The following BCL11B variants were observed in gnomAD, a reference collection of about 807,000 sequenced individuals.
The protein encoded by BCL11B is B-cell lymphoma/leukemia 11B.
In BCL11B, 8 loss-of-function variants were observed where a neutral mutation model predicts 49.9. That is an observed-to-expected ratio of 0.16 (90% CI 0.09 to 0.29). The LOEUF is 0.29. Ranked by LOEUF, BCL11B falls within the 10% of genes least tolerant of loss-of-function variation. BCL11B has a pLI of 1.00. For missense variants in BCL11B, 1,006 were observed against 1,351.0 expected, an observed-to-expected ratio of 0.74 and a Z score of 4.00; for synonymous variants, 739 against 637.4, an observed-to-expected ratio of 1.16 and a Z score of -2.40.
At chr14:99,237,871 T>A (rs1229438498) in intron 2 of BCL11B, among the ~76,000 whole-genome samples, 1 of 152,124 alleles carries the variant, frequency 6.6e-6, no homozygotes, top group Non-Finnish European at 1.5e-5. Flanking sequence ...CTGTCCAGCA[T>A]CCTTCATCAA....
rs760433144 is a variant in BCL11B at position 99,257,811 on chromosome 14, G to A, written c.87C>T (p.Ile29=). 7 of 1,547,374 alleles carry A rather than the reference G, an allele frequency of 4.5e-6. No individual in the cohort carries two copies. In the East Asian group the frequency reaches 1.4e-4, roughly 30 times the overall value. ...TCTCCAGACCCTCGTCTTCTTCGAG[G>A]ATGGCGGCCTCCACATGGTCAGCCT... ...TPEADHVEAA[I]LEEDEGLEIE... The change falls in exon 2 of 4, where the codon ATC becomes ATT. Residue 29 remains isoleucine (I), a synonymous_variant. Coordinates refer to ENST00000357195, the MANE Select transcript of BCL11B (RefSeq NM_138576.4). This position sits in a 1 kb window ranked among gnomAD's most constrained non-coding sequence, Gnocchi z 6.2.
intron 2 of BCL11B, among the ~76,000 whole-genome samples, chr14:99,240,371 T>G (rs539988506): frequency 6.6e-6 from 1 of 152,300 alleles, no homozygotes; most frequent in South Asian, 2.1e-4. Context: ...ATCTCTTTTC[T>G]CCCTTTCATT....
intron 3 of BCL11B, among the ~76,000 whole-genome samples, chr14:99,187,244 G>GT (rs1886879239): frequency 2.0e-5 from 3 of 152,222 alleles, no homozygotes; most frequent in Admixed American, 2.0e-4. Context: ...GTGTTTGTCA[G>GT]TAAGATGGAA....
intron 3 of BCL11B, among the ~76,000 whole-genome samples, chr14:99,180,504 T>C (rs144557205): frequency 6.6e-6 from 1 of 152,246 alleles, no homozygotes; most frequent in East Asian, 1.9e-4. Context: ...ACAACAGCAG[T>C]GCGTCCATAC....
At chr14:99,263,586 C>T (rs1315750098) in intron 1 of BCL11B, among the ~76,000 whole-genome samples, 2 of 152,222 alleles carry the variant, frequency 1.3e-5, no homozygotes. Flanking sequence ...GGGAGGGTCT[C>T]CCTGTGTACA....
At chr14:99,224,144 T>C (rs1888093901) in intron 3 of BCL11B, among the ~76,000 whole-genome samples, 1 of 152,154 alleles carries the variant, frequency 6.6e-6, no homozygotes, top group Non-Finnish European at 1.5e-5. Context: ...AGAGTTTGAT[T>C]TGGTTTTCTA....
At chr14:99,250,572 C>G (rs1348297797) in intron 2 of BCL11B, among the ~76,000 whole-genome samples, 1 of 152,146 alleles carries the variant, frequency 6.6e-6, no homozygotes, top group Non-Finnish European at 1.5e-5. Context: ...CTAACAGATT[C>G]TAGACCTGGT....
At chr14:99,261,919 T>C (rs1405415345) in intron 1 of BCL11B, among the ~76,000 whole-genome samples, 1 of 152,164 alleles carries the variant, frequency 6.6e-6, no homozygotes, top group Non-Finnish European at 1.5e-5. Context: ...GATTTTCTTT[T>C]ACAACAAAAC....
In BCL11B at chr14:99,193,327, T is replaced by C. The variant is rs79220814; in HGVS notation, c.641-17132A>G. Among the ~76,000 whole-genome samples the C allele has an allele frequency of 3.8e-3, 580 of 152,272 alleles. 21 individuals are homozygous for C. In the East Asian group the frequency reaches 0.088, roughly 23 times the overall value. ...CATGTGATTATAAAAAAAATTAAAA[T>C]AGCTTCCAGAAGAAGGAAATGTAAT... On this transcript the variant is annotated intron_variant, in intron 3 of 3. Transcript: ENST00000357195.
At chr14:99,186,557 G>A (rs182468503) in intron 3 of BCL11B, among the ~76,000 whole-genome samples, 3 of 152,204 alleles carry the variant, frequency 2.0e-5, no homozygotes, top group Non-Finnish European at 2.9e-5. Flanking sequence ...GAGGGAAAGC[G>A]CATGCCTGGC....
chr14:99,257,826 A>G lies in BCL11B; in HGVS notation c.72T>C (p.His24=). The G allele has an allele frequency of 1.3e-6, 2 of 1,538,462 alleles. No homozygotes were observed. The highest frequency in any genetic ancestry group is 1.8e-6 in the Non-Finnish European group (2 of 1,139,190). ...CTTCTTCGAGGATGGCGGCCTCCAC[A>G]TGGTCAGCCTCTGCTGGAGACAGAA... ...QRELITPEAD[H]VEAAILEEDE... is the part of the protein sequence containing the mutation. Residue 24 remains histidine, a synonymous_variant, in exon 2 of 4, where the codon CAT becomes CAC. Coordinates refer to ENST00000357195, the MANE Select transcript of BCL11B (RefSeq NM_138576.4). This position sits in a 1 kb window ranked among gnomAD's most constrained non-coding sequence, Gnocchi z 6.2.
intron 3 of BCL11B, among the ~76,000 whole-genome samples, chr14:99,214,656 C>A (rs1313656201): frequency 1.3e-5 from 2 of 151,204 alleles, no homozygotes; most frequent in Non-Finnish European, 2.9e-5. Context: ...ACCTAAAATA[C>A]ATTTAAATAT....
At chr14:99,204,174 T>C (rs1887467503) in intron 3 of BCL11B, among the ~76,000 whole-genome samples, 1 of 152,208 alleles carries the variant, frequency 6.6e-6, no homozygotes, top group African/African-American at 2.4e-5. Flanking sequence ...AGGGGTTCAC[T>C]AATGAGCCAC....
intron 3 of BCL11B, among the ~76,000 whole-genome samples, chr14:99,181,794 C>T (rs935361002): frequency 3.3e-5 from 5 of 152,308 alleles, no homozygotes; most frequent in African/African-American, 7.2e-5. Context: ...CCCAGGGCCC[C>T]CTGTGGCAGC....
Position 99,175,925 on chromosome 14 carries a change from C to G in BCL11B, c.911G>C (p.Gly304Ala). 6.9e-7 allele frequency: 1 copy of G among 1,445,324 alleles called. No individual in the cohort carries two copies. The highest frequency in any genetic ancestry group is 1.5e-5 in the African/African-American group (1 of 67,046). 89.5% of individuals were successfully genotyped at this position (1,445,324 alleles called of 1,614,324 possible). Residue 304 changes from glycine (G) to alanine (A), a missense_variant, in exon 4 of 4, where the codon GGC becomes GCC. Coordinates refer to ENST00000357195, the MANE Select transcript of BCL11B (RefSeq NM_138576.4). The part of the protein sequence containing the change: ...MTGPILRDHP[G>A]FGEGRLPGTP... The stretch of plus-strand genomic sequence containing the variant: ...GCCCGGCAGGCGGCCCTCGCCGAAG[C>G]CCGGGTGGTCCCGCAGGATGGGGCC...
At position 99,185,381 on chromosome 14, in the gene BCL11B, G is replaced by A. The variant is rs550943141; in HGVS notation, c.641-9186C>T. On this transcript the variant is annotated intron_variant, in intron 3 of 3. Coordinates refer to ENST00000357195, the MANE Select transcript of BCL11B (RefSeq NM_138576.4). ...GAACCCAGGAGGCGGAGGTTGCGGT[G>A]AGCTGAGATCACACCACTGCACTCC... Among the ~76,000 whole-genome samples, 6 of 151,456 alleles carry A rather than the reference G, an allele frequency of 4.0e-5. No homozygotes were observed. In the South Asian group the frequency reaches 1.3e-3, roughly 32 times the overall value.
intron 2 of BCL11B, among the ~76,000 whole-genome samples, chr14:99,234,855 CAAAAAAAAAAA>C (rs34831762): frequency 1.5e-5 from 1 of 66,638 alleles, no homozygotes; most frequent in African/African-American, 6.1e-5. Flanking sequence ...GGTCTATGCA[CAAAAAAAAAAA>C]AAAAAAAAAA....
chr14:99,259,131 C>T (rs1353219306), intron 1 of BCL11B, among the ~76,000 whole-genome samples: 1 of 152,078 alleles, frequency 6.6e-6, no homozygotes. Context: ...ACACGAGTGG[C>T]GGGGTCTTCA....
At chr14:99,254,617 G>A (rs540170112) in intron 2 of BCL11B, among the ~76,000 whole-genome samples, 12 of 152,326 alleles carry the variant, frequency 7.9e-5, no homozygotes, top group African/African-American at 2.9e-4. Flanking sequence ...ACAGCCACCC[G>A]CTCACCAGCT....
Sources: gnomAD v4.1 joint callset for allele counts (sites outside exome capture counted in the v4.1 genomes callset) on GRCh38, gnomAD v4.1.1 for gene constraint, Gnocchi (gnomAD v3.1) non-coding constraint, MANE v1.5 for transcripts, NCBI Gene and HGNC (gene_info 2026-07-23, HGNC 2026-07-21) for gene names.